The following MYO3B variants were observed in gnomAD, a reference collection of about 807,000 sequenced individuals.
MYO3B encodes myosin-IIIb.
In MYO3B, 156 loss-of-function variants were observed where a neutral mutation model predicts 174.6. That is an observed-to-expected ratio of 0.89 (90% CI 0.78 to 1.02). MYO3B has a LOEUF of 1.02. MYO3B is among the 50% of genes least tolerant of loss of function. The pLI is 0.00. For missense variants in MYO3B, 1,632 were observed against 1,639.4 expected (o/e 1.00, Z 0.08); for synonymous variants, 563 against 569.1 (o/e 0.99, Z 0.15).
intron 30 of MYO3B, among the ~76,000 whole-genome samples, chr2:170,537,610 C>G (rs1174033843): frequency 1.3e-5 from 2 of 151,616 alleles, no homozygotes; most frequent in Non-Finnish European, 2.9e-5. Context: ...CCCTGTCTGG[C>G]TAGTTTTTGT....
intron 23 of MYO3B, among the ~76,000 whole-genome samples, chr2:170,453,608 TCAC>T (rs1166949409): frequency 6.6e-6 from 1 of 152,124 alleles, no homozygotes; most frequent in Non-Finnish European, 1.5e-5. Flanking sequence ...ATGACCCTGC[TCAC>T]CACACCATAG....
chr2:170,275,992 T>C (rs2093461427), intron 7 of MYO3B, among the ~76,000 whole-genome samples: 1 of 152,214 alleles, frequency 6.6e-6, no homozygotes, highest in Admixed American at 6.5e-5. Flanking sequence ...CTCTCCTGTC[T>C]GCGATGGCTG....
At chr2:170,221,333 A>G (rs75073794) in intron 6 of MYO3B, among the ~76,000 whole-genome samples, 803 of 152,238 alleles carry the variant, frequency 5.3e-3, no homozygotes, top group Non-Finnish European at 8.2e-3. Context: ...GAGGAATTGA[A>G]CCAAATTGTT....
rs1220097384 is a variant in MYO3B at position 170,506,568 on chromosome 2, A to C, written c.3370+4703A>C. On this transcript the variant is annotated intron_variant, in intron 28 of 34. Transcript: ENST00000408978. ...CAATGAGATTTAATTTGGGGCTTCAAATTATCCAACTCCAATACAGAGCAC... is the reference window on the plus strand; with the variant it reads ...CAATGAGATTTAATTTGGGGCTTCACATTATCCAACTCCAATACAGAGCAC... Among the ~76,000 whole-genome samples, 4 of 152,228 alleles carry C rather than the reference A, an allele frequency of 2.6e-5. No homozygotes were observed. The East Asian group carries it at 7.7e-4, about 29-fold the overall frequency.
chr2:170,571,182 A>C (rs1692414306), intron 32 of MYO3B, among the ~76,000 whole-genome samples: 1 of 152,206 alleles, frequency 6.6e-6, no homozygotes, highest in African/African-American at 2.4e-5. Flanking sequence ...TCATTCCTGA[A>C]TATACATTCC....
intron 22 of MYO3B, among the ~76,000 whole-genome samples, chr2:170,417,337 T>C (rs975807324): frequency 6.6e-6 from 1 of 152,210 alleles, no homozygotes; most frequent in Non-Finnish European, 1.5e-5. Flanking sequence ...AGAGCCCTTA[T>C]TGGTCCTGTT....
chr2:170,531,503 C>T (rs1315672421), intron 30 of MYO3B, among the ~76,000 whole-genome samples: 1 of 152,080 alleles, frequency 6.6e-6, no homozygotes, highest in Non-Finnish European at 1.5e-5. Flanking sequence ...TCTACCTCAC[C>T]AAGACATGAA....
chr2:170,244,489 G>A (rs2093168776), intron 7 of MYO3B, among the ~76,000 whole-genome samples: 1 of 152,162 alleles, frequency 6.6e-6, no homozygotes, highest in Non-Finnish European at 1.5e-5. Context: ...TATTCCAGGT[G>A]CTGAGGGAAT....
intron 32 of MYO3B, among the ~76,000 whole-genome samples, chr2:170,647,693 T>C (rs549120759): frequency 6.6e-6 from 1 of 152,322 alleles, no homozygotes; most frequent in Non-Finnish European, 1.5e-5. Flanking sequence ...TTTTAAGTAA[T>C]GGGAGAAATA....
chr2:170,203,875 C>G (rs890593675), intron 3 of MYO3B, among the ~76,000 whole-genome samples: 45 of 152,080 alleles, frequency 3.0e-4, no homozygotes, highest in African/African-American at 1.1e-3. Flanking sequence ...AAGGGAAGAA[C>G]TTTGAAATGG....
At chr2:170,423,585 CTTT>C (rs34209442) in intron 22 of MYO3B, among the ~76,000 whole-genome samples, 3 of 124,282 alleles carry the variant, frequency 2.4e-5, no homozygotes, top group African/African-American at 3.0e-5. Flanking sequence ...TCAGCAAAAG[CTTT>C]TTTTTTTTTT....
intron 22 of MYO3B, among the ~76,000 whole-genome samples, chr2:170,428,864 G>C (rs1353846618): frequency 6.6e-6 from 1 of 152,210 alleles, no homozygotes; most frequent in Non-Finnish European, 1.5e-5. Context: ...GAGTCATAAA[G>C]AGTAGACATG....
chr2:170,291,713 G>GTTTT (rs71006079), intron 7 of MYO3B, among the ~76,000 whole-genome samples: 31,875 of 149,914 alleles, frequency 0.21, 4,451 homozygotes, highest in African/African-American at 0.37. Flanking sequence ...TGGATGACAG[G>GTTTT]TTTTTTTTAT....
rs71006078 is a variant in MYO3B at position 170,234,170 on chromosome 2, CAAAA to C, written c.604-1807_604-1804del. ...TGGGCGACAGAGTGAGACTCCGTCTCAAAAAAAAAAAAAAAAACAAAACAAAACA... is the reference window on the plus strand; with the variant it reads ...TGGGCGACAGAGTGAGACTCCGTCTCAAAAAAAAAAAAACAAAACAAAACA... On this transcript the variant is annotated intron_variant, in intron 6 of 34. Coordinates refer to ENST00000408978, the MANE Select transcript of MYO3B (RefSeq NM_138995.5). Among the ~76,000 whole-genome samples the C allele has an allele frequency of 2.3e-3, 110 of 48,590 alleles. 2 individuals are homozygous for C. The highest frequency in any genetic ancestry group is 0.013 in the Middle Eastern group (1 of 76). The allele number at this position is 48,590 out of a possible 152,430, so 31.9% of individuals were successfully genotyped here. A position where few individuals can be genotyped will look rare whatever the true frequency, so the allele number is the denominator to read the frequency against.
intron 7 of MYO3B, among the ~76,000 whole-genome samples, chr2:170,330,719 A>G (rs2093905636): frequency 6.6e-6 from 1 of 152,176 alleles, no homozygotes; most frequent in Non-Finnish European, 1.5e-5. Context: ...TTTTGGTTAT[A>G]TATATTCAGG....
At chr2:170,465,288 A>G (rs1012465611) in intron 24 of MYO3B, among the ~76,000 whole-genome samples, 2 of 152,154 alleles carry the variant, frequency 1.3e-5, no homozygotes, top group Non-Finnish European at 2.9e-5. Flanking sequence ...GCTTTTACTC[A>G]TAGAGCAGGC....
chr2:170,590,177 A>G lies in MYO3B; in HGVS notation c.3733+46189A>G, dbSNP rs753399957. ...TGATATATGCCTGTATATACGTGAT[A>G]TGAGAAGTTACTTTCCAGGACAAAA... is the stretch of plus-strand genomic sequence containing the variant. On this transcript the variant is annotated intron_variant, in intron 32 of 34. Transcript: ENST00000408978. Among the ~76,000 whole-genome samples the G allele has an allele frequency of 2.0e-5, 3 of 152,232 alleles. No individual in the cohort carries two copies. The South Asian group carries it at 6.2e-4, about 32-fold the overall frequency.
In MYO3B at chr2:170,260,818, C is replaced by G. The variant is rs187849709; in HGVS notation, c.749+24682C>G. Reference sequence around the variant, plus strand: ...CTGGGGTGCTGGCAATAGCCTATTTCTTGACTCTAGTGGGTAATTATACTA... The same window carrying G: ...CTGGGGTGCTGGCAATAGCCTATTTGTTGACTCTAGTGGGTAATTATACTA... On this transcript the variant is annotated intron_variant, in intron 7 of 34. Transcript: ENST00000408978. Among the ~76,000 whole-genome samples the G allele has an allele frequency of 9.2e-5, 14 of 152,238 alleles. No individual in the cohort carries two copies. In the East Asian group the frequency reaches 2.7e-3, roughly 29 times the overall value.
chr2:170,359,275 G>A (rs1463392068), intron 8 of MYO3B, among the ~76,000 whole-genome samples: 2 of 152,092 alleles, frequency 1.3e-5, no homozygotes, highest in Non-Finnish European at 2.9e-5. Flanking sequence ...GATTCCATTG[G>A]TGACCTCTTC....
Sources: allele counts gnomAD v4.1 joint callset (sites outside exome capture counted in the v4.1 genomes callset), GRCh38; gene constraint gnomAD v4.1.1; transcripts MANE v1.5; gene names NCBI Gene and HGNC (gene_info 2026-07-23, HGNC 2026-07-21).